Variants in GPRIN3 observed in about 807,000 individuals in gnomAD.
GPRIN3 encodes the protein GPRIN family member 3.
In GPRIN3, 12 loss-of-function variants were observed where a neutral mutation model predicts 13.7. That is an observed-to-expected ratio of 0.87 (90% CI 0.56 to 1.42). The LOEUF is 1.42. Ranked by LOEUF, GPRIN3 falls within the 40% of genes most tolerant of loss-of-function variation. The pLI is 0.00. For missense variants in GPRIN3, 1,009 were observed against 958.7 expected (o/e 1.05, Z -0.69); for synonymous variants, 377 against 372.7 (o/e 1.01, Z -0.13).
Position 89,250,168 on chromosome 4 carries a change from G to A in GPRIN3, c.-58C>T. On this transcript the variant is annotated 5_prime_UTR_variant, in exon 2 of 2. Transcript: ENST00000609438. ...CTTGAGTACTGGTCCCACTGGTGGG[G>A]GAGGGGAGCGCAGTCAGAGCTCAGA... 6.5e-7 allele frequency: 1 copy of A among 1,544,560 alleles called. No homozygotes were observed. Among genetic ancestry groups the A allele is most frequent in the Non-Finnish European group, 8.7e-7 (1 of 1,145,164 alleles).
Position 89,247,757 on chromosome 4 carries a change from C to CA in GPRIN3, c.*22dup. On this transcript the variant is annotated 3_prime_UTR_variant, in exon 2 of 2. Coordinates refer to ENST00000609438, the MANE Select transcript of GPRIN3 (RefSeq NM_198281.3). The stretch of plus-strand genomic sequence containing the variant: ...CATGTGAATACCGTAAATTTATACA[C>CA]AAACTCCCATAAATACTCCCTTTCA... 1 of 1,573,854 alleles carries CA rather than the reference C, an allele frequency of 6.4e-7. No individual in the cohort carries two copies. Among genetic ancestry groups the CA allele is most frequent in the Non-Finnish European group, 8.6e-7 (1 of 1,157,864 alleles).
rs1048522088 is a variant in GPRIN3 at position 89,238,541 on chromosome 4, C to T, written c.*9239G>A. ...ACCCAGCTCTGTTACCCCACCCCCG[C>T]CTGTATTTTCACAATGCTCAGCTCT... On this transcript the variant is annotated 3_prime_UTR_variant, in exon 2 of 2. Coordinates refer to ENST00000609438, the MANE Select transcript of GPRIN3 (RefSeq NM_198281.3). 7.9e-5 allele frequency: 12 copies of T among 151,744 alleles called. No individual in the cohort carries two copies. The highest frequency in any genetic ancestry group is 2.9e-4 in the African/African-American group (12 of 41,246). The allele number at this position is 151,744 out of a possible 1,614,324, so 9.4% of individuals were successfully genotyped here. A position where few individuals can be genotyped will look rare whatever the true frequency, so the allele number is the denominator to read the frequency against.
Position 89,247,792 on chromosome 4 carries a change from A to G in GPRIN3, c.2319T>C (p.Ser773=). 1 of 1,608,806 alleles carries G rather than the reference A, an allele frequency of 6.2e-7. No homozygotes were observed. Among genetic ancestry groups the G allele is most frequent in the East Asian group, 2.2e-5 (1 of 44,766 alleles). ...PNCCVRPAPS[S]VLD Reference sequence around the variant, plus strand: ...TAAATACTCCCTTTCAATCTAACACAGAAGACGGGGCAGGACGGACGCAGC... The same window carrying G: ...TAAATACTCCCTTTCAATCTAACACGGAAGACGGGGCAGGACGGACGCAGC... The change falls in exon 2 of 2, where the codon TCT becomes TCC. Residue 773 remains serine, a synonymous_variant. Transcript: ENST00000609438.
chr4:89,307,723 G>A lies in GPRIN3; in HGVS notation c.-232C>T, dbSNP rs1335518036. 6.6e-6 allele frequency: 1 copy of A among 152,228 alleles called. No homozygotes were observed. The highest frequency in any genetic ancestry group is 1.5e-5 in the Non-Finnish European group (1 of 68,062). 9.4% of individuals were successfully genotyped at this position (152,228 alleles called of 1,614,324 possible). A position where few individuals can be genotyped will look rare whatever the true frequency, so the allele number is the denominator to read the frequency against. On this transcript the variant is annotated 5_prime_UTR_variant, in exon 1 of 2. Transcript: ENST00000609438. ...TCTCGGCGCCACACCGATGGCTCCG[G>A]CGGGCCCGCGAGCTGAGGTCCTTCT... is the stretch of plus-strand genomic sequence containing the variant.
At chr4:89,291,051 T>C (rs895384127) in intron 1 of GPRIN3, among the ~76,000 whole-genome samples, 2 of 152,156 alleles carry the variant, frequency 1.3e-5, no homozygotes, top group African/African-American at 2.4e-5. Flanking sequence ...AGAGTGCAAA[T>C]CTGTTCAGAG....
chr4:89,275,672 C>T (rs1724072489), intron 1 of GPRIN3, among the ~76,000 whole-genome samples: 1 of 152,202 alleles, frequency 6.6e-6, no homozygotes, highest in Non-Finnish European at 1.5e-5. Flanking sequence ...CCATTTCCTA[C>T]CAGCCCTGCA....
At chr4:89,259,663 T>A (rs947034414) in intron 1 of GPRIN3, among the ~76,000 whole-genome samples, 11 of 152,206 alleles carry the variant, frequency 7.2e-5, no homozygotes, top group African/African-American at 1.9e-4. Flanking sequence ...ACCTTACTGA[T>A]CTTGCTGCCT....
intron 1 of GPRIN3, among the ~76,000 whole-genome samples, chr4:89,299,675 T>A (rs1724840091): frequency 2.0e-5 from 3 of 152,164 alleles, no homozygotes; most frequent in Non-Finnish European, 4.4e-5. Context: ...ACTGTAATCA[T>A]TAACTGAGCA....
intron 1 of GPRIN3, among the ~76,000 whole-genome samples, chr4:89,291,465 A>G (rs1724569264): frequency 6.6e-6 from 1 of 152,190 alleles, no homozygotes; most frequent in Non-Finnish European, 1.5e-5. Flanking sequence ...AATTAGCATA[A>G]TGTACTTGAC....
At chr4:89,265,704 A>G (rs1723761545) in intron 1 of GPRIN3, among the ~76,000 whole-genome samples, 1 of 152,192 alleles carries the variant, frequency 6.6e-6, no homozygotes, top group Admixed American at 6.5e-5. Context: ...TACCACTGGA[A>G]TTATTGGACT....
chr4:89,244,354 G>C lies in GPRIN3; in HGVS notation c.*3426C>G, dbSNP rs1421738938. ...AACACTGGTATTCAAAACAGTATCA[G>C]AGAATTCTCAAGATTAAAAAAAATT... On this transcript the variant is annotated 3_prime_UTR_variant, in exon 2 of 2. Transcript: ENST00000609438. The C allele has an allele frequency of 6.6e-6, 1 of 151,956 alleles. No homozygotes were observed. Among genetic ancestry groups the C allele is most frequent in the Non-Finnish European group, 1.5e-5 (1 of 67,990 alleles). 9.4% of individuals were successfully genotyped at this position (151,956 alleles called of 1,614,324 possible). A position where few individuals can be genotyped will look rare whatever the true frequency, so the allele number is the denominator to read the frequency against.
chr4:89,307,228 T>C (rs889954025), intron 1 of GPRIN3, among the ~76,000 whole-genome samples: 1 of 151,832 alleles, frequency 6.6e-6, no homozygotes, highest in African/African-American at 2.4e-5. Context: ...TTTCTATGTT[T>C]TGACCTTAAA....
At chr4:89,273,989 C>T (rs1342443439) in intron 1 of GPRIN3, among the ~76,000 whole-genome samples, 1 of 152,164 alleles carries the variant, frequency 6.6e-6, no homozygotes, top group Non-Finnish European at 1.5e-5. Flanking sequence ...ACTCTGTCCT[C>T]AAGAAGCGTA....
intron 1 of GPRIN3, among the ~76,000 whole-genome samples, chr4:89,302,065 T>C (rs1399200301): frequency 6.6e-6 from 1 of 152,226 alleles, no homozygotes; most frequent in Admixed American, 6.5e-5. Flanking sequence ...AATTGTCTTG[T>C]CTTAGATCAC....
At position 89,300,926 on chromosome 4, in the gene GPRIN3, A is replaced by G. The variant is rs535633637; in HGVS notation, c.-124+6689T>C. On this transcript the variant is annotated intron_variant, in intron 1 of 1. Coordinates refer to ENST00000609438, the MANE Select transcript of GPRIN3 (RefSeq NM_198281.3). ...TTTAAAATTCTTAATTTTAATTAACAATTACAATTTTAGCTGCTTCATTTT... is the reference window on the plus strand; with the variant it reads ...TTTAAAATTCTTAATTTTAATTAACGATTACAATTTTAGCTGCTTCATTTT... Among the ~76,000 whole-genome samples the G allele has an allele frequency of 3.0e-3, 463 of 152,342 alleles. 3 individuals carry two copies. Among genetic ancestry groups the G allele is most frequent in the Non-Finnish European group, 3.5e-3 (241 of 68,032 alleles).
chr4:89,261,241 T>C (rs757428183), intron 1 of GPRIN3, among the ~76,000 whole-genome samples: 1 of 152,156 alleles, frequency 6.6e-6, no homozygotes, highest in South Asian at 2.1e-4. Flanking sequence ...CTATGCACAG[T>C]AGGATGTTTA....
intron 1 of GPRIN3, among the ~76,000 whole-genome samples, chr4:89,282,201 T>C (rs1411199395): frequency 6.6e-6 from 1 of 152,258 alleles, no homozygotes; most frequent in Non-Finnish European, 1.5e-5. Flanking sequence ...CTATATTCAC[T>C]AGCAATGATG....
At chr4:89,274,645 C>G (rs1724045201) in intron 1 of GPRIN3, among the ~76,000 whole-genome samples, 1 of 152,064 alleles carries the variant, frequency 6.6e-6, no homozygotes, top group Admixed American at 6.6e-5. Context: ...TTTTTTGGAG[C>G]CTCAGTATCT....
chr4:89,296,333 TG>T (rs1428112520), intron 1 of GPRIN3, among the ~76,000 whole-genome samples: 1 of 152,228 alleles, frequency 6.6e-6, no homozygotes, highest in Non-Finnish European at 1.5e-5. Flanking sequence ...TTTCAGTTAT[TG>T]GATTTTCACC....
Sources: gnomAD v4.1 joint callset for allele counts (sites outside exome capture counted in the v4.1 genomes callset) on GRCh38, gnomAD v4.1.1 for gene constraint, MANE v1.5 for transcripts, NCBI Gene and HGNC (gene_info 2026-07-23, HGNC 2026-07-21) for gene names.